The following RASL12 variants were observed in gnomAD, a reference collection of about 807,000 sequenced individuals.
RASL12 encodes ras-like protein family member 12.
A neutral mutation model predicts 22.9 loss-of-function variants in RASL12; 16 were observed. That is an observed-to-expected ratio of 0.70 (90% confidence interval 0.47 to 1.06). The LOEUF (loss-of-function observed/expected upper bound fraction) is 1.06. Among genes scored for constraint, RASL12 ranks in the 50% least tolerant of loss-of-function variants. RASL12 has a pLI of 0.00. For missense variants in RASL12, 306 were observed against 353.1 expected, an observed-to-expected ratio of 0.87 and a Z score of 1.07; for synonymous variants, 159 against 152.2, an observed-to-expected ratio of 1.04 and a Z score of -0.33.
At chr15:65,068,397 G>T, upstream of RASL12, 1 of 628,180 alleles carries the variant, frequency 1.6e-6, no homozygotes, top group Non-Finnish European at 2.0e-6. This position sits in a 1 kb window ranked among gnomAD's most constrained non-coding sequence, Gnocchi z 4.2. Flanking sequence ...CCTTTCTTTA[G>T]CTCAGCCTTG....
chr15:65,071,569 G>A (rs886298499), upstream of RASL12, among the ~76,000 whole-genome samples: 1 of 152,180 alleles, frequency 6.6e-6, no homozygotes, highest in Non-Finnish European at 1.5e-5. Flanking sequence ...CTGGCTGCTG[G>A]AGGTAGAAAC....
chr15:65,050,011 C>A (rs1048878741), downstream of RASL12: 4 of 1,550,986 alleles, frequency 2.6e-6, no homozygotes, highest in Non-Finnish European at 3.5e-6. Context: ...GGGCATGGAG[C>A]ACAGTGAGGG....
intron 2 of RASL12, among the ~76,000 whole-genome samples, chr15:65,061,085 G>A (rs995291328): frequency 3.9e-5 from 6 of 152,202 alleles, no homozygotes; most frequent in Non-Finnish European, 8.8e-5. Flanking sequence ...CTCAATGGGC[G>A]CAGTGTCCTG....
intron 4 of RASL12, among the ~76,000 whole-genome samples, chr15:65,056,303 G>A (rs2140516182): frequency 6.6e-6 from 1 of 152,302 alleles, no homozygotes; most frequent in East Asian, 1.9e-4. Flanking sequence ...TGACCTGGCA[G>A]GAGCAGGGGC....
chr15:65,047,513 A>G, the RASL12 span, among the ~76,000 whole-genome samples: 1 of 152,312 alleles, frequency 6.6e-6, no homozygotes, highest in Admixed American at 6.5e-5. Flanking sequence ...CCCACACCCT[A>G]GAAGAAGACT....
At chr15:65,072,440 G>A (rs1249270354), upstream of RASL12, among the ~76,000 whole-genome samples, 1 of 152,184 alleles carries the variant, frequency 6.6e-6, no homozygotes, top group African/African-American at 2.4e-5. Flanking sequence ...CTAAGGGGGA[G>A]AGAAGTTCCC....
In RASL12 at chr15:65,055,108, T is replaced by C. The variant is rs780165758; in HGVS notation, c.592A>G (p.Ile198Val). 6.2e-7 allele frequency: 1 copy of C among 1,611,264 alleles called. No homozygotes were observed. The highest frequency in any genetic ancestry group is 8.5e-7 in the Non-Finnish European group (1 of 1,179,014). Residue 198 changes from isoleucine (I) to valine (V), a missense_variant, in exon 5 of 5, where the codon ATC (isoleucine) becomes GTC (valine). Coordinates refer to ENST00000220062, the MANE Select transcript of RASL12 (RefSeq NM_016563.4). The stretch of plus-strand genomic sequence containing the variant: ...TGGGGCAGGGCCCTCTCCTCGGAGA[T>C]GAAGAGGGGCCGGGTCAGGGGGCTC... The part of the protein sequence containing the change: ...EKSPLTRPLF[I>V]SEERALPHQA...
intron 1 of RASL12, among the ~76,000 whole-genome samples, chr15:65,074,939 T>A (rs1005829618): frequency 2.6e-5 from 4 of 152,232 alleles, no homozygotes; most frequent in African/African-American, 7.2e-5. Flanking sequence ...GTGGAGCCCT[T>A]CAGCCCACCA....
Position 65,059,425 on chromosome 15 carries a change from C to T in RASL12, c.161-7G>A, listed in dbSNP as rs2086775826. 2 of 1,612,796 alleles carry T rather than the reference C, an allele frequency of 1.2e-6. No individual in the cohort carries two copies. The highest frequency in any genetic ancestry group is 2.2e-5 in the South Asian group (2 of 91,020). On this transcript the variant is annotated splice_polypyrimidine_tract_variant and splice_region_variant and intron_variant, in intron 2 of 4. Coordinates refer to ENST00000220062, the MANE Select transcript of RASL12 (RefSeq NM_016563.4). ...TCGGAGCTGTAGGTGTCCTCTACAA[C>T]ACAGATGGTTAGCCAGGTCAGACAC...
chr15:65,053,423 A>G lies in RASL12; in HGVS notation c.*1476T>C. On this transcript the variant is annotated 3_prime_UTR_variant, in exon 5 of 5. Coordinates refer to ENST00000220062, the MANE Select transcript of RASL12 (RefSeq NM_016563.4). ...TAGTTTGTTCAGATGGCAGTGGTACACACACACATACACACACAAGTGGCC... is the reference window on the plus strand; with the variant it reads ...TAGTTTGTTCAGATGGCAGTGGTACGCACACACATACACACACAAGTGGCC... The G allele has an allele frequency of 4.8e-6, 6 of 1,261,452 alleles. No homozygotes were observed. In the South Asian group the frequency reaches 9.4e-5, roughly 20 times the overall value. 78.1% of individuals were successfully genotyped at this position (1,261,452 alleles called of 1,614,324 possible). A position where few individuals can be genotyped will look rare whatever the true frequency, so the allele number is the denominator to read the frequency against.
chr15:65,058,187 T>G (rs1457346704), intron 4 of RASL12, among the ~76,000 whole-genome samples: 1 of 152,184 alleles, frequency 6.6e-6, no homozygotes, highest in Non-Finnish European at 1.5e-5. Flanking sequence ...GAGAATCACT[T>G]GAACCCAGGA....
At chr15:65,069,198 G>C (rs549350858), upstream of RASL12, among the ~76,000 whole-genome samples, 53 of 152,360 alleles carry the variant, frequency 3.5e-4, no homozygotes, top group Middle Eastern at 3.4e-3. Context: ...TTATTTTCCT[G>C]GCCAGGACAT....
At chr15:65,066,491 AG>A (rs2086880856) in intron 1 of RASL12, among the ~76,000 whole-genome samples, 1 of 151,994 alleles carries the variant, frequency 6.6e-6, no homozygotes, top group South Asian at 2.1e-4. Context: ...CTCCAGCCTG[AG>A]TGACAGAGAC....
At chr15:65,050,239 G>A, downstream of RASL12, 4 of 699,386 alleles carry the variant, frequency 5.7e-6, no homozygotes, top group Middle Eastern at 2.6e-4. Context: ...CAGTCGGGGT[G>A]TCTCAGTACC....
chr15:65,055,227 C>G lies in RASL12; in HGVS notation c.473G>C (p.Cys158Ser). 2 of 1,604,288 alleles carry G rather than the reference C, an allele frequency of 1.2e-6. No individual in the cohort carries two copies. Reference protein sequence around the residue: ...EGVALAGRFGCLFFEVSACLD... With the variant: ...EGVALAGRFGSLFFEVSACLD... ...ACAGGCAGAGACCTCGAAAAACAGG[C>G]ACCCAAACCTGCCTGCCAAAGCCAC... Residue 158 changes from cysteine (C) to serine (S), a missense_variant, in exon 5 of 5, where the codon TGC becomes TCC. Coordinates refer to ENST00000220062, the MANE Select transcript of RASL12 (RefSeq NM_016563.4).
At chr15:65,050,643 C>T (rs2086637321), downstream of RASL12, among the ~76,000 whole-genome samples, 1 of 152,072 alleles carries the variant, frequency 6.6e-6, no homozygotes, top group South Asian at 2.1e-4. Context: ...GGGGGAGGAA[C>T]ATTCCTGGAG....
At chr15:65,050,864 T>C (rs2086644682), downstream of RASL12, among the ~76,000 whole-genome samples, 1 of 150,264 alleles carries the variant, frequency 6.7e-6, no homozygotes, top group African/African-American at 2.5e-5. Flanking sequence ...GCCTTTTTTT[T>C]GAGGCAGGGT....
In RASL12 at chr15:65,067,953, C is replaced by G. The variant is rs1242100877; in HGVS notation, c.-118G>C. 3.1e-5 allele frequency: 37 copies of G among 1,194,254 alleles called. No homozygotes were observed. Among genetic ancestry groups the G allele is most frequent in the South Asian group, 4.3e-5 (1 of 23,476 alleles). 74.0% of individuals were successfully genotyped at this position (1,194,254 alleles called of 1,614,324 possible). Reference sequence around the variant, plus strand: ...TCCCTGGAGCGCGCGGCCCCGGACCCGTCGGCGTCCGCGCCCTCGGCCCCG... The same window carrying G: ...TCCCTGGAGCGCGCGGCCCCGGACCGGTCGGCGTCCGCGCCCTCGGCCCCG... On this transcript the variant is annotated 5_prime_UTR_variant, in exon 1 of 5. Transcript: ENST00000220062.
intron 4 of RASL12, among the ~76,000 whole-genome samples, chr15:65,057,268 C>A (rs999217070): frequency 1.3e-5 from 2 of 152,214 alleles, no homozygotes; most frequent in Non-Finnish European, 2.9e-5. Context: ...ACTGACCAAC[C>A]GTGAACAGGG....
Sources: gnomAD v4.1 joint callset for allele counts (sites outside exome capture counted in the v4.1 genomes callset) on GRCh38, gnomAD v4.1.1 for gene constraint, Gnocchi (gnomAD v3.1) non-coding constraint, MANE v1.5 for transcripts, NCBI Gene and HGNC (gene_info 2026-07-23, HGNC 2026-07-21) for gene names.